EXD3: variants seen among roughly 807,000 people sequenced by gnomAD.
EXD3 encodes exonuclease 3'-5' domain containing 3.
In EXD3, 92 loss-of-function variants were observed where a neutral mutation model predicts 98.0. The ratio of observed to expected loss-of-function variants is 0.94; its 90% CI spans 0.79 to 1.12. EXD3 has a LOEUF of 1.12. Among genes scored for constraint, EXD3 ranks in the 50% most tolerant of loss-of-function variants. EXD3 has a pLI of 0.00. For missense variants in EXD3, 1,222 were observed against 1,191.6 expected (o/e 1.03, Z -0.38); for synonymous variants, 569 against 526.0 (o/e 1.08, Z -1.12).
chr9:137,307,729 C>G, intron 20 of EXD3, 83 bp from the exon 21 acceptor site: 6 of 1,501,984 alleles, frequency 4.0e-6, no homozygotes. Flanking sequence ...CGCAGCCATG[C>G]GGCTGAGCAC....
At chr9:137,368,114 C>T (rs1021390173) in intron 5 of EXD3, 125 bp from the exon 6 acceptor site, 23 of 765,386 alleles carry the variant, frequency 3.0e-5, no homozygotes, top group Non-Finnish European at 3.8e-5. Flanking sequence ...AGGGCCTTCC[C>T]GTGTTCAGCC....
intron 8 of EXD3, 60 bp from the exon 9 acceptor site, chr9:137,354,833 C>T (rs1363527616): frequency 2.6e-6 from 4 of 1,522,482 alleles, no homozygotes; most frequent in Non-Finnish European, 1.8e-6. Flanking sequence ...CGGCCTCCTT[C>T]TGGGGCGGGC....
chr9:137,346,238 C>CAAAAAAAAAAAAAAAAAAA lies in EXD3; in HGVS notation c.1998+1814_1998+1832dup, dbSNP rs563761495. ...TGGGAGACAGAGCAAGACTCCGTCT[C>CAAAAAAAAAAAAAAAAAAA]AAAAAAAAAAAAAAAAAAAAAAAAA... On this transcript the variant is annotated intron_variant, in intron 17 of 21. Transcript: ENST00000340951. 1.6e-3 allele frequency among the ~76,000 whole-genome samples: 22 copies of CAAAAAAAAAAAAAAAAAAA among 13,616 alleles called. 1 individual carries two copies. Among genetic ancestry groups the CAAAAAAAAAAAAAAAAAAA allele is most frequent in the African/African-American group, 3.4e-3 (12 of 3,512 alleles). The allele number at this position is 13,616 out of a possible 152,430, so 8.9% of individuals were successfully genotyped here.
At chr9:137,368,511 C>A (rs925602242) in intron 5 of EXD3, among the ~76,000 whole-genome samples, 2 of 152,234 alleles carry the variant, frequency 1.3e-5, no homozygotes, top group African/African-American at 4.8e-5. Context: ...GCTCCAAGGC[C>A]ACACTGGCTG....
chr9:137,390,592 C>G (rs960864205), intron 2 of EXD3, among the ~76,000 whole-genome samples: 2 of 152,056 alleles, frequency 1.3e-5, no homozygotes, highest in Admixed American at 1.3e-4. Context: ...GATGAGAAAA[C>G]AGGTTAGGCA....
rs1288542437 is a variant in EXD3, at chr9:137,324,236, G to A, written c.1999-93C>T. 1.2e-5 allele frequency: 13 copies of A among 1,127,040 alleles called. No individual in the cohort carries two copies. The highest frequency in any genetic ancestry group is 1.4e-5 in the South Asian group (1 of 69,812). The allele number at this position is 1,127,040 out of a possible 1,614,324, so 69.8% of individuals were successfully genotyped here. ...TCGCCACCCCCTAGCTCCCCGGATC[G>A]TGGCCCTGCCCCAGGCCCCTTTTGT... On this transcript the variant is annotated intron_variant, in intron 17 of 21. Coordinates refer to ENST00000340951, the MANE Select transcript of EXD3 (RefSeq NM_017820.5). This position sits in a 1 kb window ranked among gnomAD's most constrained non-coding sequence, Gnocchi z 4.1.
chr9:137,311,258 T>G (rs144436571), intron 19 of EXD3, among the ~76,000 whole-genome samples: 13 of 152,358 alleles, frequency 8.5e-5, no homozygotes, highest in African/African-American at 3.1e-4. Context: ...TCCTGTGACC[T>G]GGCCTCTGGG....
intron 3 of EXD3, among the ~76,000 whole-genome samples, chr9:137,376,902 C>T (rs1835932675): frequency 7.1e-6 from 1 of 140,378 alleles, no homozygotes; most frequent in Non-Finnish European, 1.5e-5. Context: ...GCTCTCCAGG[C>T]TGGGCGACAA....
chr9:137,333,967 C>T (rs1040681813), intron 17 of EXD3, among the ~76,000 whole-genome samples: 1 of 152,014 alleles, frequency 6.6e-6, no homozygotes, highest in African/African-American at 2.4e-5. Flanking sequence ...CTCAGCCTCC[C>T]GAGTAGCTGA....
chr9:137,346,358 C>T (rs1478609076), intron 17 of EXD3, among the ~76,000 whole-genome samples: 4 of 150,178 alleles, frequency 2.7e-5, no homozygotes, highest in African/African-American at 9.9e-5. Context: ...TTAAACAAAT[C>T]GAGGGTTCAG....
At chr9:137,377,512 G>A (rs1835971687) in intron 3 of EXD3, among the ~76,000 whole-genome samples, 1 of 151,098 alleles carries the variant, frequency 6.6e-6, no homozygotes, top group African/African-American at 2.4e-5. Context: ...GGTGGCTCAT[G>A]CCTGTAATCC....
intron 1 of EXD3, among the ~76,000 whole-genome samples, chr9:137,402,321 G>A (rs894470705): frequency 3.3e-5 from 5 of 152,108 alleles, no homozygotes; most frequent in South Asian, 2.1e-4. Flanking sequence ...GTCCCAGAAT[G>A]CTTTTAACAG....
At chr9:137,308,583 A>T (rs1004500707) in intron 20 of EXD3, among the ~76,000 whole-genome samples, 2 of 141,868 alleles carry the variant, frequency 1.4e-5, no homozygotes, top group African/African-American at 5.3e-5. Context: ...TCTGCTGGCC[A>T]CCCTGGGTGA....
intron 17 of EXD3, among the ~76,000 whole-genome samples, chr9:137,339,741 AT>A (rs1833552332): frequency 3.3e-5 from 5 of 152,138 alleles, no homozygotes; most frequent in Admixed American, 3.3e-4. Flanking sequence ...CCTACAGCAA[AT>A]GTGGAATCAT....
At chr9:137,418,862 C>T (rs1322745041) in intron 1 of EXD3, among the ~76,000 whole-genome samples, 1 of 152,010 alleles carries the variant, frequency 6.6e-6, no homozygotes, top group Non-Finnish European at 1.5e-5. Flanking sequence ...AGTCTCCTCT[C>T]TGTCATAGTA....
At chr9:137,364,340 G>C (rs1246386410) in intron 7 of EXD3, among the ~76,000 whole-genome samples, 1 of 152,076 alleles carries the variant, frequency 6.6e-6, no homozygotes. Flanking sequence ...CATTAATTTA[G>C]GCCAGGTGCG....
chr9:137,320,952 C>T (rs547165409), intron 19 of EXD3, among the ~76,000 whole-genome samples: 12 of 152,330 alleles, frequency 7.9e-5, no homozygotes, highest in South Asian at 2.1e-4. Context: ...CGGTTCCTGC[C>T]GCCCCTGGAG....
chr9:137,395,457 T>C lies in EXD3; in HGVS notation c.-47-53A>G, dbSNP rs1837166799. ...CAGAGCCCACTGCAACAGGCAGCCA[T>C]GCAGAGCCCACGCCCACAGCCCCTG... On this transcript the variant is annotated intron_variant, in intron 1 of 21. Coordinates refer to ENST00000340951, the MANE Select transcript of EXD3 (RefSeq NM_017820.5). This position sits in a 1 kb window ranked among gnomAD's most constrained non-coding sequence, Gnocchi z 6.5. 1 of 1,554,976 alleles carries C rather than the reference T, an allele frequency of 6.4e-7. No homozygotes were observed. The highest frequency in any genetic ancestry group is 1.8e-5 in the Admixed American group (1 of 57,024).
In EXD3 at chr9:137,405,144, CGGGTGTCCAAA is replaced by C. The variant is rs1837654154; in HGVS notation, c.-47-9751_-47-9741del. Among the ~76,000 whole-genome samples the C allele has an allele frequency of 6.6e-6, 1 of 152,210 alleles. No homozygotes were observed. Among genetic ancestry groups the C allele is most frequent in the South Asian group, 2.1e-4 (1 of 4,832 alleles). On this transcript the variant is annotated intron_variant, in intron 1 of 21. Coordinates refer to ENST00000340951, the MANE Select transcript of EXD3 (RefSeq NM_017820.5). The surrounding 1 kb of genome is among the most constrained non-coding windows in gnomAD (Gnocchi z 4.1). ...CCCAAATTCCCAGGGCCTCTGCCAG[CGGGTGTCCAAA>C]GACCCTACTTGGGAGCCCCGCACAT... is the stretch of plus-strand genomic sequence containing the variant.
Sources: allele counts gnomAD v4.1 joint callset (sites outside exome capture counted in the v4.1 genomes callset), GRCh38; gene constraint gnomAD v4.1.1; non-coding constraint Gnocchi (gnomAD v3.1); transcripts MANE v1.5; gene names NCBI Gene and HGNC (gene_info 2026-07-23, HGNC 2026-07-21).